DCC: variants seen among roughly 807,000 people sequenced by gnomAD.
DCC encodes the protein DCC netrin 1 receptor.
In DCC, 58 loss-of-function variants were observed where a neutral mutation model predicts 172.5. The observed-to-expected ratio is 0.34, with a 90% CI of 0.27 to 0.42. DCC has a LOEUF of 0.42. Ranked by LOEUF, DCC falls within the 10% of genes least tolerant of loss-of-function variation. The pLI is 1.00. For missense variants in DCC, 1,740 were observed against 1,791.0 expected, an observed-to-expected ratio of 0.97 and a Z score of 0.51; for synonymous variants, 709 against 644.5, an observed-to-expected ratio of 1.10 and a Z score of -1.52.
intron 5 of DCC, among the ~76,000 whole-genome samples, chr18:52,941,693 C>T (rs1407910173): frequency 6.6e-6 from 1 of 152,068 alleles, no homozygotes; most frequent in Admixed American, 6.6e-5. Context: ...TTACATGTAG[C>T]TTCATTCACC....
At chr18:52,463,381 T>C (rs1394597348) in intron 1 of DCC, among the ~76,000 whole-genome samples, 1 of 152,164 alleles carries the variant, frequency 6.6e-6, no homozygotes, top group Non-Finnish European at 1.5e-5. Flanking sequence ...ATAAAGAGTC[T>C]AGAAGGATCA....
At chr18:52,768,704 A>C (rs1438610485) in intron 2 of DCC, among the ~76,000 whole-genome samples, 6 of 151,874 alleles carry the variant, frequency 4.0e-5, no homozygotes, top group Admixed American at 6.6e-5. Context: ...GTTTGTGTGC[A>C]TGTGTGTGTG....
chr18:53,376,145 A>G (rs1342435846), intron 15 of DCC, among the ~76,000 whole-genome samples: 1 of 152,050 alleles, frequency 6.6e-6, no homozygotes, highest in Non-Finnish European at 1.5e-5. Flanking sequence ...TAATCCCAGC[A>G]CTCTGAGAGG....
At chr18:53,396,643 G>A (rs1347509341) in intron 17 of DCC, among the ~76,000 whole-genome samples, 1 of 152,152 alleles carries the variant, frequency 6.6e-6, no homozygotes, top group Non-Finnish European at 1.5e-5. Flanking sequence ...TTTGTCTCAT[G>A]TTCTCTATAA....
At chr18:53,223,048 G>A (rs1236194589) in intron 12 of DCC, among the ~76,000 whole-genome samples, 1 of 152,018 alleles carries the variant, frequency 6.6e-6, no homozygotes, top group African/African-American at 2.4e-5. Context: ...GGACATTTAT[G>A]CATAACTAGA....
In DCC at chr18:53,401,453, T is replaced by C. The variant is rs769372513; in HGVS notation, c.2828-1333T>C. Among the ~76,000 whole-genome samples the C allele has an allele frequency of 9.6e-4, 146 of 152,108 alleles. 1 individual carries two copies. The highest frequency in any genetic ancestry group is 3.2e-3 in the Middle Eastern group (1 of 316). On this transcript the variant is annotated intron_variant, in intron 18 of 28. Coordinates refer to ENST00000442544, the MANE Select transcript of DCC (RefSeq NM_005215.4). Reference sequence around the variant, plus strand: ...TCACGGTGTTGGAAAGAAAATAGTATGATAGATGGGAATGATTGATGTCTC... The same window carrying C: ...TCACGGTGTTGGAAAGAAAATAGTACGATAGATGGGAATGATTGATGTCTC...
At chr18:52,588,444 G>A (rs1276295399) in intron 1 of DCC, among the ~76,000 whole-genome samples, 2 of 152,176 alleles carry the variant, frequency 1.3e-5, no homozygotes, top group African/African-American at 4.8e-5. Context: ...CTGACTACAG[G>A]ATGGTAGACT....
At chr18:52,759,600 A>G (rs1483745271) in intron 2 of DCC, among the ~76,000 whole-genome samples, 1 of 152,162 alleles carries the variant, frequency 6.6e-6, no homozygotes, top group East Asian at 1.9e-4. Flanking sequence ...ATCTAACACA[A>G]CTCAGTAATA....
At chr18:52,487,258 C>T (rs911147709) in intron 1 of DCC, among the ~76,000 whole-genome samples, 1 of 151,982 alleles carries the variant, frequency 6.6e-6, no homozygotes, top group Non-Finnish European at 1.5e-5. Context: ...ATAAAGGGCA[C>T]CTCATTATCG....
intron 1 of DCC, among the ~76,000 whole-genome samples, chr18:52,431,345 A>G (rs2144468479): frequency 6.6e-6 from 1 of 152,284 alleles, no homozygotes; most frequent in Non-Finnish European, 1.5e-5. Flanking sequence ...AGAAAAAAAA[A>G]GATCAGCATT....
intron 1 of DCC, among the ~76,000 whole-genome samples, chr18:52,415,900 C>T (rs1050463415): frequency 1.3e-5 from 2 of 152,024 alleles, no homozygotes; most frequent in African/African-American, 4.8e-5. Context: ...TTAGTTATTT[C>T]TTGCCGTCTG....
chr18:52,759,237 G>C (rs1409256746), intron 2 of DCC: 3 of 152,098 alleles, frequency 2.0e-5, no homozygotes, highest in Non-Finnish European at 4.4e-5. Flanking sequence ...ATTTTAAAGA[G>C]TAGGGTTTTA....
At chr18:53,323,183 A>G in intron 14 of DCC, among the ~76,000 whole-genome samples, 1 of 151,348 alleles carries the variant, frequency 6.6e-6, no homozygotes, top group East Asian at 1.9e-4. Context: ...CCTCACTTTA[A>G]CTCTTTTCCT....
intron 13 of DCC, among the ~76,000 whole-genome samples, chr18:53,308,907 T>A (rs1359650872): frequency 1.3e-5 from 2 of 152,142 alleles, no homozygotes; most frequent in Non-Finnish European, 2.9e-5. Flanking sequence ...AAAGAACCCA[T>A]CCCACAAGTC....
chr18:53,364,445 T>C (rs1302196530), intron 15 of DCC, among the ~76,000 whole-genome samples: 1 of 152,104 alleles, frequency 6.6e-6, no homozygotes, highest in Non-Finnish European at 1.5e-5. Context: ...CAAATTTTTA[T>C]GGATTTTCTC....
intron 27 of DCC, among the ~76,000 whole-genome samples, chr18:53,503,218 T>A (rs1012900901): frequency 2.0e-5 from 3 of 152,170 alleles, no homozygotes; most frequent in South Asian, 2.1e-4. Flanking sequence ...TTTGCAATAT[T>A]TTTATAGTAA....
chr18:52,919,681 T>A (rs1379095731), intron 3 of DCC, among the ~76,000 whole-genome samples: 1 of 151,934 alleles, frequency 6.6e-6, no homozygotes, highest in African/African-American at 2.4e-5. Context: ...GGACCACTGA[T>A]ATTTTAAAAC....
intron 1 of DCC, among the ~76,000 whole-genome samples, chr18:52,724,784 G>C (rs1165105223): frequency 6.6e-6 from 1 of 152,082 alleles, no homozygotes; most frequent in Non-Finnish European, 1.5e-5. Flanking sequence ...CTTCAGCACA[G>C]GTAAACCAGC....
chr18:52,533,948 G>A (rs1277089929), intron 1 of DCC, among the ~76,000 whole-genome samples: 1 of 151,980 alleles, frequency 6.6e-6, no homozygotes, highest in Non-Finnish European at 1.5e-5. Context: ...CTGGTAAGTA[G>A]GTAGTGAATA....
Sources: allele counts gnomAD v4.1 joint callset (sites outside exome capture counted in the v4.1 genomes callset), GRCh38; gene constraint gnomAD v4.1.1; transcripts MANE v1.5; gene names NCBI Gene and HGNC (gene_info 2026-07-23, HGNC 2026-07-21).